Variants in LRRC74B observed in about 807,000 individuals in gnomAD.
LRRC74B encodes the protein leucine-rich repeat-containing protein 74B.
LRRC74B carries 30 observed loss-of-function variants against 16.6 expected under a neutral mutation model. That is an observed-to-expected ratio of 1.80 (90% CI 1.35 to 2.45). The LOEUF (loss-of-function observed/expected upper bound fraction) is 2.45, where lower values mean the gene tolerates loss of function less well. Among genes scored for constraint, LRRC74B ranks in the 30% most tolerant of loss-of-function variants. The probability of loss-of-function intolerance (pLI) is 0.00; values close to 1 mark genes in which losing one functional copy is unlikely to be tolerated. For missense variants in LRRC74B, 326 were observed against 202.4 expected, an observed-to-expected ratio of 1.61 and a Z score of -3.71; for synonymous variants, 134 against 86.0, an observed-to-expected ratio of 1.56 and a Z score of -3.09.
At chr22:21,060,622 T>C (rs1165947265), downstream of LRRC74B, 8 of 626,764 alleles carry the variant, frequency 1.3e-5, no homozygotes, top group Non-Finnish European at 2.3e-5. Context: ...CACTTGTGTC[T>C]GCACTGAGTC....
exon 3 of LRRC74B, chr22:21,047,987 G>A (rs756317790): frequency 8.2e-5 from 59 of 717,200 alleles, no homozygotes; most frequent in Non-Finnish European, 1.5e-4. Context: ...GCCCTGGCAG[G>A]TGCCCTGAGC....
exon 1 of LRRC74B, chr22:21,045,996 T>G (rs1201615869): frequency 1.4e-6 from 1 of 717,330 alleles, no homozygotes; most frequent in African/African-American, 1.7e-5. Context: ...CATGAGGGGT[T>G]CCTGTGAGAG....
downstream of LRRC74B, chr22:21,060,560 G>C (rs951063191): frequency 2.9e-6 from 2 of 691,342 alleles, no homozygotes; most frequent in Admixed American, 2.1e-5. Context: ...TCTCCAATCA[G>C]CTGCTTTGAC....
chr22:21,059,880 A>C (rs2148166116), intron 8 of LRRC74B, among the ~76,000 whole-genome samples: 1 of 151,640 alleles, frequency 6.6e-6, no homozygotes. Flanking sequence ...GTTCTTCACA[A>C]CCCCTTGGTT....
chr22:21,052,161 C>A (rs1930116859), intron 4 of LRRC74B, 88 bp from the exon 5 acceptor site: 1 of 698,568 alleles, frequency 1.4e-6, no homozygotes, highest in Admixed American at 2.0e-5. Context: ...TCCTGCCCAG[C>A]AGAGGCTCGG....
chr22:21,062,339 G>A (rs1357966242), downstream of LRRC74B: 3 of 152,206 alleles, frequency 2.0e-5, no homozygotes, highest in Non-Finnish European at 2.9e-5. Flanking sequence ...TTTTAAATGG[G>A]TGATTTATGC....
intron 7 of LRRC74B, chr22:21,056,662 C>G: frequency 5.5e-6 from 1 of 181,688 alleles, no homozygotes; most frequent in Non-Finnish European, 1.1e-5. Flanking sequence ...TTCACCCCTG[C>G]CTTTGTTCCT....
chr22:21,063,764 C>T (rs1332236847), downstream of LRRC74B: 1 of 152,236 alleles, frequency 6.6e-6, no homozygotes, highest in African/African-American at 2.4e-5. Context: ...CACTTGAGGT[C>T]AGGAGTTCGA....
intron 2 of LRRC74B, 94 bp downstream of exon 2, chr22:21,047,592 C>T (rs1210350151): frequency 4.5e-6 from 3 of 659,452 alleles, no homozygotes; most frequent in Non-Finnish European, 5.5e-6. Flanking sequence ...CCCTACACTC[C>T]CCAGCTTCTG....
intron 7 of LRRC74B, among the ~76,000 whole-genome samples, chr22:21,055,961 C>T (rs933507249): frequency 6.6e-6 from 1 of 152,126 alleles, no homozygotes; most frequent in Admixed American, 6.5e-5. Context: ...TTCCTTCTTC[C>T]CAAGTCACCA....
chr22:21,063,241 G>T (rs571689427), downstream of LRRC74B: 3 of 152,144 alleles, frequency 2.0e-5, no homozygotes, highest in Admixed American at 6.5e-5. Flanking sequence ...GGAGTATTGA[G>T]TCCCAACTCG....
At chr22:21,048,070 A>T (rs776413373) in intron 3 of LRRC74B, 54 bp downstream of exon 3, 1 of 713,398 alleles carries the variant, frequency 1.4e-6, no homozygotes, top group South Asian at 1.5e-5. Context: ...TTCCTCAGGG[A>T]TGTGCCTCCA....
chr22:21,060,191 C>G (rs1930742526), intron 8 of LRRC74B, among the ~76,000 whole-genome samples, 182 bp from the exon 9 acceptor site: 2 of 152,026 alleles, frequency 1.3e-5, no homozygotes, highest in Non-Finnish European at 2.9e-5. Flanking sequence ...TACAGCAGGC[C>G]TCTAAACATC....
rs1207803040 is a variant in LRRC74B, at chr22:21,047,824, G to C, written c.283-60G>C. On this transcript the variant is annotated intron_variant, in intron 2 of 8. Coordinates refer to ENST00000442047, the Ensembl canonical transcript of LRRC74B. ...CTTTCCAGCTGGAGGATGTGGAGTG[G>C]GCTGAGCCCTGGAGCATGAGCCAGG... is the stretch of plus-strand genomic sequence containing the variant. 8.5e-6 allele frequency: 6 copies of C among 707,326 alleles called. No homozygotes were observed. The Admixed American group carries it at 1.2e-4, about 14-fold the overall frequency. 43.8% of individuals were successfully genotyped at this position (707,326 alleles called of 1,614,324 possible).
rs1020539233 is a variant in LRRC74B, at chr22:21,056,890, A to G, written c.928-215A>G. On this transcript the variant is annotated intron_variant, in intron 7 of 8. Coordinates refer to ENST00000442047, the Ensembl canonical transcript of LRRC74B. ...AGGCAAGGGTGTGTCTTGTGTGTCT[A>G]TATCAATCGGAGGCCTCTCCCTTCC... 5 of 567,228 alleles carry G rather than the reference A, an allele frequency of 8.8e-6. No homozygotes were observed. In the East Asian group the frequency reaches 8.9e-5, roughly 10 times the overall value. The allele number at this position is 567,228 out of a possible 1,614,324, so 35.1% of individuals were successfully genotyped here.
intron 8 of LRRC74B, among the ~76,000 whole-genome samples, chr22:21,059,484 C>A (rs1930708026): frequency 6.6e-6 from 1 of 152,184 alleles, no homozygotes; most frequent in South Asian, 2.1e-4. Flanking sequence ...ATCGCTTGAA[C>A]CAGAAAGCGG....
chr22:21,050,594 C>G (rs1373739166), intron 4 of LRRC74B, among the ~76,000 whole-genome samples: 1 of 151,502 alleles, frequency 6.6e-6, no homozygotes, highest in South Asian at 2.1e-4. Context: ...CTGGATAACA[C>G]GGTGAAATGC....
intron 7 of LRRC74B, among the ~76,000 whole-genome samples, chr22:21,056,033 G>A (rs574376421): frequency 6.6e-6 from 1 of 152,074 alleles, no homozygotes; most frequent in African/African-American, 2.4e-5. Flanking sequence ...CCTTCTGCAG[G>A]GGCTCACCCT....
At position 21,057,081 on chromosome 22, in the gene LRRC74B, C is replaced by T. The variant is rs543740435; in HGVS notation, c.928-24C>T. 8.2e-5 allele frequency: 59 copies of T among 717,046 alleles called. No homozygotes were observed. The Admixed American group carries it at 9.4e-4, about 11-fold the overall frequency. 44.4% of individuals were successfully genotyped at this position (717,046 alleles called of 1,614,324 possible). The stretch of plus-strand genomic sequence containing the variant: ...TGGCCTTCCCGGACCTGGCTTCTCG[C>T]AGCTTTGTGTGCGTGTTTCTCAGGT... On this transcript the variant is annotated intron_variant, in intron 7 of 8. Coordinates refer to ENST00000442047, the Ensembl canonical transcript of LRRC74B.
Sources: gnomAD v4.1 joint callset for allele counts (sites outside exome capture counted in the v4.1 genomes callset) on GRCh38, gnomAD v4.1.1 for gene constraint, MANE v1.5 for transcripts, NCBI Gene and HGNC (gene_info 2026-07-23, HGNC 2026-07-21) for gene names.